ATF7IP2: variants seen among roughly 807,000 people sequenced by gnomAD.
ATF7IP2 encodes activating transcription factor 7-interacting protein 2.
In ATF7IP2, 42 loss-of-function variants were observed where a neutral mutation model predicts 64.2. That is an observed-to-expected ratio of 0.65 (90% CI 0.51 to 0.85). The LOEUF (loss-of-function observed/expected upper bound fraction) is 0.85. Among genes scored for constraint, ATF7IP2 ranks in the 40% least tolerant of loss-of-function variants. The pLI is 0.00. For missense variants in ATF7IP2, 933 were observed against 784.2 expected (o/e 1.19, Z -2.27); for synonymous variants, 308 against 272.8 (o/e 1.13, Z -1.27).
rs2049826523 is a variant in ATF7IP2, at chr16:10,472,181, CA to C, written c.1425del (p.Asp476IlefsTer28). ...NLTTPITSNPTDTRKITSGNS... is the reference protein window; with the variant it reads ...NLTTPITSNPXDTRKITSGNS... Reference sequence around the variant, plus strand: ...ACAACTCCAATTACATCAAATCCAACAGGTATCTTATAGCTGATTAGAATAT... The same window carrying C: ...ACAACTCCAATTACATCAAATCCAACGGTATCTTATAGCTGATTAGAATAT... On this transcript the variant is annotated frameshift_variant and splice_region_variant, in exon 10 of 14. Transcript: ENST00000562102. LOFTEE classifies it high-confidence loss of function. 6.5e-7 allele frequency: 1 copy of C among 1,538,312 alleles called. No individual in the cohort carries two copies. The highest frequency in any genetic ancestry group is 8.9e-7 in the Non-Finnish European group (1 of 1,121,768).
In ATF7IP2 at chr16:10,477,120, T is replaced by C. The variant is rs144805947; in HGVS notation, c.1549+3131T>C. On this transcript the variant is annotated intron_variant, in intron 12 of 13. Coordinates refer to ENST00000562102, the MANE Select transcript of ATF7IP2 (RefSeq NM_001393719.1). ...AAATGGGATCTAATTAAAGAGCCTG[T>C]ATACAGCAGAAGAAACTATCATCAG... Among the ~76,000 whole-genome samples, 474 of 152,328 alleles carry C rather than the reference T, an allele frequency of 3.1e-3. 1 individual carries two copies. The highest frequency in any genetic ancestry group is 0.011 in the African/African-American group (453 of 41,574).
Position 10,453,041 on chromosome 16 carries a change from G to A in ATF7IP2, c.1195-4331G>A, listed in dbSNP as rs191761866. On this transcript the variant is annotated intron_variant, in intron 8 of 13. Coordinates refer to ENST00000562102, the MANE Select transcript of ATF7IP2 (RefSeq NM_001393719.1). The stretch of plus-strand genomic sequence containing the variant: ...GGGCTCCGTGTGGGTGGGACCTGCC[G>A]AGCCAGAACACTTGGCTCCCTGGCT... 5.7e-3 allele frequency among the ~76,000 whole-genome samples: 866 copies of A among 152,228 alleles called. 38 individuals are homozygous for A. Among genetic ancestry groups the A allele is most frequent in the Admixed American group, 0.052 (795 of 15,284 alleles).
At chr16:10,400,745 G>A (rs945059451) in intron 1 of ATF7IP2, among the ~76,000 whole-genome samples, 4 of 152,116 alleles carry the variant, frequency 2.6e-5, no homozygotes, top group East Asian at 1.9e-4. Flanking sequence ...GCAGTGGCAC[G>A]ATCTTGGCTC....
chr16:10,421,309 C>A (rs1238642629), intron 3 of ATF7IP2, among the ~76,000 whole-genome samples: 2 of 152,128 alleles, frequency 1.3e-5, no homozygotes, highest in African/African-American at 4.8e-5. Flanking sequence ...CTAGAGTCTT[C>A]TCTGGATCTT....
At chr16:10,439,944 C>A (rs1198258201) in intron 7 of ATF7IP2, among the ~76,000 whole-genome samples, 1 of 151,598 alleles carries the variant, frequency 6.6e-6, no homozygotes, top group Non-Finnish European at 1.5e-5. Context: ...CAGGTGGATG[C>A]TGGGGTCAGG....
intron 2 of ATF7IP2, among the ~76,000 whole-genome samples, chr16:10,416,064 A>G (rs1402323685): frequency 6.6e-6 from 1 of 152,228 alleles, no homozygotes; most frequent in Non-Finnish European, 1.5e-5. Context: ...AACTAAAAAT[A>G]GAGCTACCAT....
chr16:10,392,485 C>T (rs1035865860), intron 1 of ATF7IP2, among the ~76,000 whole-genome samples: 1 of 151,840 alleles, frequency 6.6e-6, no homozygotes, highest in African/African-American at 2.4e-5. Flanking sequence ...AATGGAAAAC[C>T]TTTACCACTA....
chr16:10,481,497 C>T (rs557246788), intron 13 of ATF7IP2, among the ~76,000 whole-genome samples: 1 of 152,200 alleles, frequency 6.6e-6, no homozygotes, highest in African/African-American at 2.4e-5. Context: ...GTTGGCCAGG[C>T]TGGTCTCAAA....
chr16:10,395,085 A>G (rs1000655215), intron 1 of ATF7IP2, among the ~76,000 whole-genome samples: 5 of 152,138 alleles, frequency 3.3e-5, no homozygotes, highest in African/African-American at 7.2e-5. Flanking sequence ...ACTGAGCACA[A>G]AAAAGGGAGA....
intron 8 of ATF7IP2, among the ~76,000 whole-genome samples, chr16:10,441,517 A>G (rs939387942): frequency 6.6e-6 from 1 of 152,044 alleles, no homozygotes; most frequent in Admixed American, 6.6e-5. Context: ...ATGATCAGCT[A>G]TTTTTCATGT....
At chr16:10,393,878 A>G (rs4366704) in intron 1 of ATF7IP2, among the ~76,000 whole-genome samples, 83,850 of 151,902 alleles carry the variant, frequency 0.55, 23,295 homozygotes, top group East Asian at 0.69. Context: ...TTGTCTCTAC[A>G]AAAAAATTTT....
intron 1 of ATF7IP2, among the ~76,000 whole-genome samples, chr16:10,411,844 T>C (rs1462349829): frequency 6.6e-6 from 1 of 151,848 alleles, no homozygotes; most frequent in Admixed American, 6.6e-5. Flanking sequence ...TTGAATGATC[T>C]TTTATATTTC....
intron 2 of ATF7IP2, among the ~76,000 whole-genome samples, chr16:10,416,434 A>G (rs2047879404): frequency 6.6e-6 from 1 of 152,180 alleles, no homozygotes; most frequent in Admixed American, 6.5e-5. Context: ...AAGGATGGTT[A>G]CCATAGGCTG....
In ATF7IP2 at chr16:10,404,136, C is replaced by T. The variant is rs146129495; in HGVS notation, c.-241-10438C>T. The stretch of plus-strand genomic sequence containing the variant: ...ATGGATTTAATGCTAGCTATATAGT[C>T]ATCAAACTGTCTCAAGTCAAGGTGA... On this transcript the variant is annotated intron_variant, in intron 1 of 13. Transcript: ENST00000562102. 2.5e-3 allele frequency among the ~76,000 whole-genome samples: 377 copies of T among 152,310 alleles called. No homozygotes were observed. The Middle Eastern group carries it at 0.027, about 11-fold the overall frequency.
At chr16:10,438,259 CTT>C in intron 7 of ATF7IP2, 24 bp downstream of exon 7, 1 of 1,593,074 alleles carries the variant, frequency 6.3e-7, no homozygotes, top group Non-Finnish European at 8.5e-7. Flanking sequence ...TCATTTGAGT[CTT>C]TTTTAGGGGA....
intron 9 of ATF7IP2, among the ~76,000 whole-genome samples, chr16:10,469,574 C>T (rs1470957204): frequency 6.6e-6 from 1 of 151,864 alleles, no homozygotes; most frequent in Non-Finnish European, 1.5e-5. Flanking sequence ...TAGAAAGGAA[C>T]AGAAAGTCTG....
At chr16:10,406,914 G>T (rs1309541785) in intron 1 of ATF7IP2, among the ~76,000 whole-genome samples, 1 of 151,986 alleles carries the variant, frequency 6.6e-6, no homozygotes, top group Non-Finnish European at 1.5e-5. Flanking sequence ...ATTCCATGAG[G>T]TTACCCAATA....
chr16:10,480,197 G>C (rs1355641903), intron 12 of ATF7IP2, among the ~76,000 whole-genome samples: 2 of 151,748 alleles, frequency 1.3e-5, no homozygotes, highest in Non-Finnish European at 2.9e-5. Flanking sequence ...ATGTTGCCCA[G>C]GCTGATCTGG....
intron 5 of ATF7IP2, among the ~76,000 whole-genome samples, chr16:10,432,735 G>A (rs1272190503): frequency 1.3e-5 from 2 of 152,170 alleles, no homozygotes; most frequent in African/African-American, 2.4e-5. Flanking sequence ...AGCCAGGCGT[G>A]GTGGTGGGCA....
Sources: allele counts gnomAD v4.1 joint callset (sites outside exome capture counted in the v4.1 genomes callset), GRCh38; gene constraint gnomAD v4.1.1; transcripts MANE v1.5; gene names NCBI Gene and HGNC (gene_info 2026-07-23, HGNC 2026-07-21).